ASAP1: variants seen among roughly 807,000 people sequenced by gnomAD.
The protein encoded by ASAP1 is arf-GAP with SH3 domain, ANK repeat and PH domain-containing protein 1.
Under a neutral mutation model 145.2 loss-of-function variants are expected in ASAP1, and 43 were observed. The observed-to-expected ratio is 0.30, with a 90% CI of 0.23 to 0.38. The LOEUF is 0.38. Ranked by LOEUF, ASAP1 falls within the 10% of genes least tolerant of loss-of-function variation. The pLI is 1.00. For synonymous variants in ASAP1, 546 were observed against 515.5 expected (o/e 1.06, Z -0.80); for missense variants, 1,018 against 1,355.3 (o/e 0.75, Z 3.91).
At chr8:130,300,184 A>AGAGAGAGCGAGC (rs761456724) in intron 3 of ASAP1, among the ~76,000 whole-genome samples, 12 of 140,278 alleles carry the variant, frequency 8.6e-5, no homozygotes, top group African/African-American at 2.2e-4. Context: ...AGAGAGAGAG[A>AGAGAGAGCGAGC]GAGCGAGCGA....
intron 1 of ASAP1, among the ~76,000 whole-genome samples, chr8:130,439,741 G>A (rs969632364): frequency 6.6e-6 from 1 of 152,228 alleles, no homozygotes; most frequent in Admixed American, 6.5e-5. Context: ...ATCCCCCGCA[G>A]GGGGAAGAAC....
intron 3 of ASAP1, among the ~76,000 whole-genome samples, chr8:130,263,858 A>G (rs1220802975): frequency 1.3e-5 from 2 of 152,260 alleles, no homozygotes; most frequent in African/African-American, 2.4e-5. Flanking sequence ...AAAAGTGGGC[A>G]TATTTCACAG....
chr8:130,282,349 C>CA (rs1266034408), intron 3 of ASAP1, among the ~76,000 whole-genome samples: 2 of 152,144 alleles, frequency 1.3e-5, no homozygotes, highest in African/African-American at 2.4e-5. Context: ...ATGTTTTAGT[C>CA]AAAACTACAA....
chr8:130,298,525 A>G (rs906400782), intron 3 of ASAP1, among the ~76,000 whole-genome samples: 1 of 152,102 alleles, frequency 6.6e-6, no homozygotes, highest in Admixed American at 6.5e-5. Flanking sequence ...TCTCCAATCC[A>G]TTCTCCACAC....
intron 13 of ASAP1, among the ~76,000 whole-genome samples, chr8:130,138,687 T>C (rs1330890921): frequency 6.6e-6 from 1 of 151,838 alleles, no homozygotes; most frequent in African/African-American, 2.4e-5. Context: ...AAATACAAAA[T>C]TAGCCGGGCG....
chr8:130,281,905 A>G (rs545353418), intron 3 of ASAP1, among the ~76,000 whole-genome samples: 1 of 152,226 alleles, frequency 6.6e-6, no homozygotes, highest in African/African-American at 2.4e-5. Flanking sequence ...TCTCTACTAA[A>G]AATACAAAAA....
rs967109103 is a variant in ASAP1 at position 130,357,875 on chromosome 8, T to C, written c.186+142A>G. The C allele has an allele frequency of 1.2e-5, 14 of 1,159,342 alleles. No individual in the cohort carries two copies. The Admixed American group carries it at 2.7e-4, about 22-fold the overall frequency. The allele number at this position is 1,159,342 out of a possible 1,614,324, so 71.8% of individuals were successfully genotyped here. A position where few individuals can be genotyped will look rare whatever the true frequency, so the allele number is the denominator to read the frequency against. On this transcript the variant is annotated intron_variant, in intron 3 of 29. Transcript: ENST00000518721. ...TGGGGAAGGCGCCGCCCGTCCGAAG[T>C]CCCTTATTCACCCGGCGGCTCCCTG...
rs561342787 is a variant in ASAP1, at chr8:130,054,908, G to A, written c.3316-103C>T. ...AGCCTAGTCTGCCCACAGACCTGGCGGTGGAATCCCAGGCTTACCCTTCTT... is the reference window on the plus strand; with the variant it reads ...AGCCTAGTCTGCCCACAGACCTGGCAGTGGAATCCCAGGCTTACCCTTCTT... On this transcript the variant is annotated intron_variant, in intron 29 of 29. Coordinates refer to ENST00000518721, the MANE Select transcript of ASAP1 (RefSeq NM_018482.4). 4.0e-4 allele frequency: 351 copies of A among 883,552 alleles called. 1 individual carries two copies. Among genetic ancestry groups the A allele is most frequent in the Admixed American group, 8.8e-4 (50 of 56,962 alleles). The allele number at this position is 883,552 out of a possible 1,614,324, so 54.7% of individuals were successfully genotyped here.
intron 13 of ASAP1, among the ~76,000 whole-genome samples, chr8:130,142,171 G>A (rs1586426208): frequency 6.6e-6 from 1 of 152,118 alleles, no homozygotes; most frequent in Admixed American, 6.5e-5. Context: ...AAGCTCTCCC[G>A]GTAAGAAAGT....
chr8:130,382,179 G>A (rs28545757), intron 2 of ASAP1, among the ~76,000 whole-genome samples: 36,205 of 151,074 alleles, frequency 0.24, 4,705 homozygotes, highest in African/African-American at 0.32. Context: ...CCAGCTACTC[G>A]GGAGGCTGAG....
chr8:130,097,173 C>T (rs1416509814), intron 24 of ASAP1, among the ~76,000 whole-genome samples: 1 of 109,280 alleles, frequency 9.2e-6, no homozygotes, highest in Non-Finnish European at 1.9e-5. Flanking sequence ...TCCTTGAAAA[C>T]TGTATTGTGG....
chr8:130,257,916 G>C (rs1303115391), intron 3 of ASAP1, among the ~76,000 whole-genome samples: 4 of 151,960 alleles, frequency 2.6e-5, no homozygotes, highest in African/African-American at 9.7e-5. Context: ...CAAATGTGGG[G>C]CCCCAAATCC....
At chr8:130,198,753 T>C (rs1815678441) in intron 5 of ASAP1, among the ~76,000 whole-genome samples, 1 of 152,106 alleles carries the variant, frequency 6.6e-6, no homozygotes, top group Non-Finnish European at 1.5e-5. Context: ...TTAATTAAGG[T>C]TTTTACTGAC....
At position 130,358,775 on chromosome 8, in the gene ASAP1, C is replaced by T. The variant is rs948452692; in HGVS notation, c.60-632G>A. 1.4e-5 allele frequency among the ~76,000 whole-genome samples: 2 copies of T among 146,902 alleles called. No homozygotes were observed. The highest frequency in any genetic ancestry group is 3.0e-5 in the Non-Finnish European group (2 of 66,140). ...CCGCCCCGCCCCCGCTCGCGCACAG[C>T]CCCTGGGGCCTGGCTCCGAAGCTGC... On this transcript the variant is annotated intron_variant, in intron 2 of 29. Transcript: ENST00000518721. The surrounding 1 kb of genome is among the most constrained non-coding windows in gnomAD (Gnocchi z 4.1).
chr8:130,118,557 A>T lies in ASAP1; in HGVS notation c.1726T>A (p.Leu576Ile). 1 of 1,614,174 alleles carries T rather than the reference A, an allele frequency of 6.2e-7. No individual in the cohort carries two copies. The highest frequency in any genetic ancestry group is 2.2e-5 in the East Asian group (1 of 44,876). The part of the protein sequence containing the change: ...ELLEAIKSRD[L>I]LALIQVYAEG... Reference sequence around the variant, plus strand: ...GCATAGACTTGAATTAGTGCAAGTAAATCCCTGGATTTGATGGCCTCAAGC... The same window carrying T: ...GCATAGACTTGAATTAGTGCAAGTATATCCCTGGATTTGATGGCCTCAAGC... The change falls in exon 19 of 30, where the codon TTA becomes ATA. Residue 576 changes from leucine to isoleucine, a missense_variant. Coordinates refer to ENST00000518721, the MANE Select transcript of ASAP1 (RefSeq NM_018482.4).
At chr8:130,208,898 C>G (rs993880096) in intron 5 of ASAP1, among the ~76,000 whole-genome samples, 5 of 151,958 alleles carry the variant, frequency 3.3e-5, no homozygotes, top group Non-Finnish European at 7.4e-5. Flanking sequence ...TTGCTTAGAA[C>G]ATGTCATTTC....
intron 13 of ASAP1, 50 bp from the exon 14 acceptor site, chr8:130,137,088 T>C (rs1164894965): frequency 6.7e-7 from 1 of 1,500,298 alleles, no homozygotes; most frequent in African/African-American, 1.4e-5. Flanking sequence ...CACTCTCTTG[T>C]CTGCAGGTTC....
intron 3 of ASAP1, 72 bp downstream of exon 3, chr8:130,357,931 CCCTTCCTCCCAGCT>C: frequency 3.6e-5 from 54 of 1,495,800 alleles, no homozygotes; most frequent in Non-Finnish European, 4.6e-5. Flanking sequence ...CCCCCGCGTC[CCCTTCCTCCCAGCT>C]CGGAGAGGAG....
chr8:130,169,181 C>T (rs965492304), intron 9 of ASAP1, 114 bp from the exon 10 acceptor site: 8 of 616,054 alleles, frequency 1.3e-5, no homozygotes, highest in South Asian at 2.2e-5. Flanking sequence ...TGAAAATACA[C>T]TTATCTGTAT....
Sources: gnomAD v4.1 joint callset for allele counts (sites outside exome capture counted in the v4.1 genomes callset) on GRCh38, gnomAD v4.1.1 for gene constraint, Gnocchi (gnomAD v3.1) non-coding constraint, MANE v1.5 for transcripts, NCBI Gene and HGNC (gene_info 2026-07-23, HGNC 2026-07-21) for gene names.